Variants in RBFOX1 observed in about 807,000 individuals in gnomAD.
RBFOX1 encodes RNA binding fox-1 homolog 1, also known as RNA binding protein fox-1 homolog 1.
Under a neutral mutation model 57.7 loss-of-function variants are expected in RBFOX1, and 8 were observed. The observed-to-expected ratio is 0.14, with a 90% CI of 0.08 to 0.25. The LOEUF (loss-of-function observed/expected upper bound fraction) is 0.25. Ranked by LOEUF, RBFOX1 falls within the 10% of genes least tolerant of loss-of-function variation. The pLI, the probability that RBFOX1 is intolerant of heterozygous loss-of-function variation, is 1.00. For synonymous variants in RBFOX1, 326 were observed against 222.4 expected (o/e 1.47, Z -4.15); for missense variants, 611 against 548.5 (o/e 1.11, Z -1.14).
chr16:6,004,057 C>G (rs780090175), intron 4 of RBFOX1, among the ~76,000 whole-genome samples: 22 of 152,186 alleles, frequency 1.4e-4, no homozygotes, highest in Non-Finnish European at 2.4e-4. Flanking sequence ...AGAATATGTA[C>G]TCTAGGATAA....
intron 3 of RBFOX1, among the ~76,000 whole-genome samples, chr16:6,934,021 A>G (rs1469102847): frequency 1.3e-5 from 2 of 152,198 alleles, no homozygotes. Flanking sequence ...GGGAGGGGAC[A>G]CGATTGCACA....
At chr16:5,443,402 A>C (rs1326770329) in intron 1 of RBFOX1, among the ~76,000 whole-genome samples, 1 of 152,146 alleles carries the variant, frequency 6.6e-6, no homozygotes, top group Non-Finnish European at 1.5e-5. Context: ...CAGTGTCGCG[A>C]TCTTGGCTCA....
chr16:5,754,311 C>A (rs1005451134), intron 3 of RBFOX1, among the ~76,000 whole-genome samples: 16 of 152,024 alleles, frequency 1.1e-4, no homozygotes, highest in Non-Finnish European at 1.8e-4. Context: ...TAGGATTATA[C>A]CTTGTGTTTA....
At chr16:6,774,607 A>C (rs978493835) in intron 3 of RBFOX1, among the ~76,000 whole-genome samples, 1 of 152,194 alleles carries the variant, frequency 6.6e-6, no homozygotes, top group Non-Finnish European at 1.5e-5. Flanking sequence ...TCAGCTATAT[A>C]GAGTCATCTA....
intron 1 of RBFOX1, among the ~76,000 whole-genome samples, chr16:5,295,540 G>T (rs139224172): frequency 6.6e-6 from 1 of 152,158 alleles, no homozygotes; most frequent in South Asian, 2.1e-4. Context: ...AGGCTCATCT[G>T]GTTGTTGGCA....
intron 3 of RBFOX1, among the ~76,000 whole-genome samples, chr16:6,909,938 A>T (rs1453264222): frequency 6.6e-6 from 1 of 151,572 alleles, no homozygotes; most frequent in Non-Finnish European, 1.5e-5. Context: ...TGCTTAGCAA[A>T]CTTCATGAGC....
chr16:6,224,578 C>T (rs1268877697), intron 1 of RBFOX1, among the ~76,000 whole-genome samples: 1 of 152,016 alleles, frequency 6.6e-6, no homozygotes, highest in Non-Finnish European at 1.5e-5. Context: ...TGCTTGTACC[C>T]TAAAAAAAGT....
intron 4 of RBFOX1, among the ~76,000 whole-genome samples, chr16:5,978,815 A>G (rs1452486078): frequency 2.6e-5 from 4 of 152,008 alleles, no homozygotes; most frequent in Admixed American, 1.3e-4. Flanking sequence ...GTGGGGAACA[A>G]CACTGCAGAA....
chr16:7,214,368 G>A (rs752870629), intron 4 of RBFOX1, among the ~76,000 whole-genome samples: 1 of 152,136 alleles, frequency 6.6e-6, no homozygotes, highest in Admixed American at 6.5e-5. Context: ...GGCATGATCG[G>A]GGTGCTCAAG....
chr16:7,295,560 A>G (rs533685990), intron 4 of RBFOX1, among the ~76,000 whole-genome samples: 1 of 152,166 alleles, frequency 6.6e-6, no homozygotes, highest in Non-Finnish European at 1.5e-5. Context: ...CTGAGGTTTT[A>G]AGAACTTGTA....
rs749664440 is a variant in RBFOX1 at position 7,693,203 on chromosome 16, C to G, written c.996-15853C>G. The G allele has an allele frequency of 6.4e-4, 518 of 806,378 alleles. 1 individual carries two copies. The highest frequency in any genetic ancestry group is 2.5e-3 in the South Asian group (160 of 64,740). 50.0% of individuals were successfully genotyped at this position (806,378 alleles called of 1,614,324 possible). On this transcript the variant is annotated intron_variant, in intron 14 of 15. Transcript: ENST00000550418. The stretch of plus-strand genomic sequence containing the variant: ...ACATCAGCACATTTCCTCGCAACAT[C>G]CATTCACACGCAGCACCCTTCCCTC...
intron 3 of RBFOX1, among the ~76,000 whole-genome samples, chr16:6,824,761 T>C (rs918929135): frequency 2.0e-5 from 3 of 152,084 alleles, no homozygotes; most frequent in African/African-American, 7.2e-5. Context: ...TAAAAACTTT[T>C]CTGGAAGAAA....
intron 3 of RBFOX1, among the ~76,000 whole-genome samples, chr16:6,873,156 A>T (rs946618859): frequency 1.3e-5 from 2 of 151,690 alleles, no homozygotes; most frequent in South Asian, 2.1e-4. Context: ...GCTCTATAGC[A>T]GACTTTCCTC....
At chr16:6,830,089 G>A (rs888067512) in intron 3 of RBFOX1, among the ~76,000 whole-genome samples, 1 of 151,690 alleles carries the variant, frequency 6.6e-6, no homozygotes, top group South Asian at 2.1e-4. Flanking sequence ...GCTAATTTTT[G>A]TATTTTTAAT....
intron 1 of RBFOX1, among the ~76,000 whole-genome samples, chr16:5,352,984 A>C (rs149481710): frequency 6.6e-6 from 1 of 152,254 alleles, no homozygotes; most frequent in African/African-American, 2.4e-5. Flanking sequence ...TTCGTAGTCA[A>C]ATTCCCCAAT....
chr16:7,578,888 C>T (rs1030353546), intron 5 of RBFOX1, among the ~76,000 whole-genome samples: 2 of 152,092 alleles, frequency 1.3e-5, no homozygotes, highest in African/African-American at 4.8e-5. Context: ...TCGTTCCTGC[C>T]AAATATGTGG....
At chr16:5,763,610 TC>T (rs2053665101) in intron 3 of RBFOX1, among the ~76,000 whole-genome samples, 1 of 152,242 alleles carries the variant, frequency 6.6e-6, no homozygotes, top group African/African-American at 2.4e-5. Flanking sequence ...GCCAAGGCAA[TC>T]CGCCGGCCTC....
At chr16:7,107,762 C>T (rs1162903386) in intron 4 of RBFOX1, among the ~76,000 whole-genome samples, 3 of 151,974 alleles carry the variant, frequency 2.0e-5, no homozygotes, top group Non-Finnish European at 4.4e-5. Flanking sequence ...CTTTTAAGCC[C>T]ACACAGAATA....
intron 3 of RBFOX1, among the ~76,000 whole-genome samples, chr16:5,715,388 A>G (rs1007552983): frequency 9.2e-5 from 14 of 152,208 alleles, no homozygotes; most frequent in African/African-American, 3.4e-4. Flanking sequence ...CACTTACTCA[A>G]GGATGGGGAC....
Sources: gnomAD v4.1 joint callset for allele counts (sites outside exome capture counted in the v4.1 genomes callset) on GRCh38, gnomAD v4.1.1 for gene constraint, MANE v1.5 for transcripts, NCBI Gene and HGNC (gene_info 2026-07-23, HGNC 2026-07-21) for gene names.